LNX1: variants seen among roughly 807,000 people sequenced by gnomAD.
The protein encoded by LNX1 is ligand of numb-protein X 1, also known as E3 ubiquitin-protein ligase LNX.
In LNX1, 54 loss-of-function variants were observed where a neutral mutation model predicts 68.4. That is an observed-to-expected ratio of 0.79 (90% CI 0.63 to 0.99). The LOEUF (loss-of-function observed/expected upper bound fraction) is 0.99. Among genes scored for constraint, LNX1 ranks in the 50% least tolerant of loss-of-function variants. The pLI is 0.00. For synonymous variants in LNX1, 336 were observed against 350.0 expected (o/e 0.96, Z 0.45); for missense variants, 906 against 926.4 (o/e 0.98, Z 0.29).
chr4:53,462,422 T>C (rs1011224595), intron 9 of LNX1, among the ~76,000 whole-genome samples: 1 of 152,072 alleles, frequency 6.6e-6, no homozygotes, highest in African/African-American at 2.4e-5. Context: ...AGGATGACGT[T>C]GTTGACCACA....
intron 1 of LNX1, among the ~76,000 whole-genome samples, chr4:53,635,051 A>G (rs1425681223): frequency 6.6e-6 from 1 of 152,106 alleles, no homozygotes; most frequent in Admixed American, 6.6e-5. Context: ...GCTGGTCTCA[A>G]ACTTCTGGGC....
At chr4:53,496,612 C>G in intron 5 of LNX1, 1 of 508,056 alleles carries the variant, frequency 2.0e-6, no homozygotes, top group Non-Finnish European at 3.4e-6. Flanking sequence ...GAGTAGACAC[C>G]ATCTTTCTCC....
chr4:53,515,771 G>A (rs892893698), intron 2 of LNX1, among the ~76,000 whole-genome samples: 2 of 152,142 alleles, frequency 1.3e-5, no homozygotes, highest in African/African-American at 4.8e-5. Flanking sequence ...GCACAGCACG[G>A]AGGAAAAAGC....
chr4:53,563,782 C>T (rs1730446208), intron 2 of LNX1, among the ~76,000 whole-genome samples: 1 of 152,218 alleles, frequency 6.6e-6, no homozygotes, highest in South Asian at 2.1e-4. Flanking sequence ...ATCCACCCGC[C>T]TCGGCCTCCC....
intron 2 of LNX1, among the ~76,000 whole-genome samples, chr4:53,531,924 C>T (rs1249302058): frequency 1.3e-5 from 2 of 152,152 alleles, no homozygotes; most frequent in African/African-American, 2.4e-5. Context: ...GGAACAGACA[C>T]AGTGAGTCCT....
Position 53,460,038 on chromosome 4 carries a change from G to A in LNX1, c.*869C>T, listed in dbSNP as rs1721555882. 1 of 162,020 alleles carries A rather than the reference G, an allele frequency of 6.2e-6. No individual in the cohort carries two copies. The highest frequency in any genetic ancestry group is 8.8e-5 in the Admixed American group (1 of 11,366). 10.0% of individuals were successfully genotyped at this position (162,020 alleles called of 1,614,324 possible). A position where few individuals can be genotyped will look rare whatever the true frequency, so the allele number is the denominator to read the frequency against. On this transcript the variant is annotated 3_prime_UTR_variant, in exon 11 of 11. Transcript: ENST00000263925. ...ATTAATAAAACCTATAAGGCATCTG[G>A]GTGGCCTCTATGAAATAAATTAATT...
intron 2 of LNX1, among the ~76,000 whole-genome samples, chr4:53,552,938 C>A (rs887095973): frequency 6.6e-6 from 1 of 152,092 alleles, no homozygotes; most frequent in Non-Finnish European, 1.5e-5. Context: ...GTGCTGCATC[C>A]TGAAACATCT....
In LNX1 at chr4:53,491,792, C is replaced by CTTTTTTTTTTTTTTTTTTTTTTTT. The variant is rs149789223; in HGVS notation, c.1350+4230_1350+4231insAAAAAAAAAAAAAAAAAAAAAAAA. Among the ~76,000 whole-genome samples the CTTTTTTTTTTTTTTTTTTTTTTTT allele has an allele frequency of 3.2e-5, 2 of 62,254 alleles. 1 individual carries two copies. 40.8% of individuals were successfully genotyped at this position (62,254 alleles called of 152,430 possible). On this transcript the variant is annotated intron_variant, in intron 6 of 10. Coordinates refer to ENST00000263925, the MANE Select transcript of LNX1 (RefSeq NM_001126328.3). ...TGCTTTAAGTGCTGAGGATACGATA[C>CTTTTTTTTTTTTTTTTTTTTTTTT]TTTTTTTTGTTTGTTTGTTTTTTGA...
At chr4:53,637,317 C>T (rs1051531680) in intron 1 of LNX1, among the ~76,000 whole-genome samples, 1 of 151,164 alleles carries the variant, frequency 6.6e-6, no homozygotes, top group Non-Finnish European at 1.5e-5. Flanking sequence ...GATTTTATGA[C>T]CCACTAAATG....
intron 2 of LNX1, among the ~76,000 whole-genome samples, chr4:53,562,374 C>CTT (rs1730353064): frequency 6.6e-6 from 1 of 152,170 alleles, no homozygotes. Context: ...AGTCTGTAAG[C>CTT]ATCTAAGAGG....
chr4:53,651,797 A>T (rs1577834656), intron 1 of LNX1, among the ~76,000 whole-genome samples: 1 of 152,314 alleles, frequency 6.6e-6, no homozygotes, highest in African/African-American at 2.4e-5. Flanking sequence ...ATAAAGAATA[A>T]TGTCACATAA....
chr4:53,481,672 A>C, intron 7 of LNX1, 48 bp downstream of exon 7: 1 of 1,578,202 alleles, frequency 6.3e-7, no homozygotes, highest in South Asian at 1.1e-5. Flanking sequence ...CAGCCTTCCC[A>C]AGAAATAGCC....
chr4:53,469,718 T>A (rs1165934818), intron 9 of LNX1, among the ~76,000 whole-genome samples: 15 of 150,440 alleles, frequency 1.0e-4, no homozygotes, highest in South Asian at 2.1e-4. Flanking sequence ...AACACCTCTA[T>A]GCAAATAAAC....
intron 2 of LNX1, among the ~76,000 whole-genome samples, chr4:53,518,502 T>C (rs1421760279): frequency 2.6e-5 from 4 of 152,194 alleles, no homozygotes; most frequent in African/African-American, 7.2e-5. Context: ...CACAAATTAA[T>C]AGTAACATAA....
chr4:53,554,029 C>A (rs1001057970), intron 2 of LNX1, among the ~76,000 whole-genome samples: 35 of 152,230 alleles, frequency 2.3e-4, no homozygotes, highest in African/African-American at 6.0e-4. Context: ...TAGCCCCTAG[C>A]CTGTCCCAGG....
chr4:53,507,874 CAG>C, intron 3 of LNX1, 110 bp downstream of exon 3: 1 of 1,386,934 alleles, frequency 7.2e-7, no homozygotes, highest in Admixed American at 2.6e-5. Context: ...CCAAAACTAC[CAG>C]AACGATTTCC....
At chr4:53,559,891 G>A (rs1030200923) in intron 2 of LNX1, among the ~76,000 whole-genome samples, 2 of 151,958 alleles carry the variant, frequency 1.3e-5, no homozygotes, top group Non-Finnish European at 2.9e-5. Flanking sequence ...TGAACTTTTG[G>A]CCTCAAGCAA....
rs1726923881 is a variant in LNX1, at chr4:53,518,037, C to T, written c.381-9810G>A. ...GGGAAAATGTCCCTAGTCCTTCCAA[C>T]CACCACTGTTTCACTTGTTAATGAA... On this transcript the variant is annotated intron_variant, in intron 2 of 10. Coordinates refer to ENST00000263925, the MANE Select transcript of LNX1 (RefSeq NM_001126328.3). Among the ~76,000 whole-genome samples the T allele has an allele frequency of 3.9e-5, 6 of 152,202 alleles. No homozygotes were observed. In the South Asian group the frequency reaches 1.2e-3, roughly 32 times the overall value.
At chr4:53,584,435 T>C (rs1732035942) in intron 1 of LNX1, among the ~76,000 whole-genome samples, 1 of 152,046 alleles carries the variant, frequency 6.6e-6, no homozygotes, top group Non-Finnish European at 1.5e-5. Flanking sequence ...TACATGGCAA[T>C]GTGTATAATG....
Sources: allele counts gnomAD v4.1 joint callset (sites outside exome capture counted in the v4.1 genomes callset), GRCh38; gene constraint gnomAD v4.1.1; transcripts MANE v1.5; gene names NCBI Gene and HGNC (gene_info 2026-07-23, HGNC 2026-07-21).